INTS2: variants seen among roughly 807,000 people sequenced by gnomAD.
INTS2 encodes the protein integrator complex subunit 2, also known as KIAA1287.
A neutral mutation model predicts 139.6 loss-of-function variants in INTS2; 57 were observed. The observed-to-expected ratio is 0.41, with a 90% CI of 0.33 to 0.51. INTS2 has a LOEUF of 0.51. INTS2 is among the 20% of genes least tolerant of loss of function. The pLI is 0.28. For missense variants in INTS2, 1,196 were observed against 1,436.7 expected (o/e 0.83, Z 2.71); for synonymous variants, 473 against 493.4 (o/e 0.96, Z 0.55).
In INTS2 at chr17:61,867,068, A is replaced by T. The variant is rs1047385695; in HGVS notation, c.*489T>A. ...ATTACTTGCACTGCAAATCTTTGAG[A>T]TTTCTACTTGTGTTTTTAACTCCTA... On this transcript the variant is annotated 3_prime_UTR_variant, in exon 25 of 25. Coordinates refer to ENST00000251334, the MANE Select transcript of INTS2 (RefSeq NM_001351695.2). This position sits in a 1 kb window ranked among gnomAD's most constrained non-coding sequence, Gnocchi z 5.6. 6.6e-6 allele frequency: 1 copy of T among 152,130 alleles called. No individual in the cohort carries two copies. Among genetic ancestry groups the T allele is most frequent in the Non-Finnish European group, 1.5e-5 (1 of 68,028 alleles). The allele number at this position is 152,130 out of a possible 1,614,324, so 9.4% of individuals were successfully genotyped here.
chr17:61,898,997 T>C (rs1010745632), intron 9 of INTS2, among the ~76,000 whole-genome samples: 7 of 152,150 alleles, frequency 4.6e-5, no homozygotes, highest in African/African-American at 1.4e-4. Context: ...GCAGTAAAAA[T>C]AGATGCAACA....
At position 61,889,773 on chromosome 17, in the gene INTS2, A is replaced by G. The variant is rs1172425744; in HGVS notation, c.1984+13T>C. On this transcript the variant is annotated intron_variant, in intron 15 of 24. Coordinates refer to ENST00000251334, the MANE Select transcript of INTS2 (RefSeq NM_001351695.2). Reference sequence around the variant, plus strand: ...AAACTACCACTAGAACCACTCCTCTACGTACAACTTACCTAAAGTCTTCGT... The same window carrying G: ...AAACTACCACTAGAACCACTCCTCTGCGTACAACTTACCTAAAGTCTTCGT... 7.5e-7 allele frequency: 1 copy of G among 1,333,920 alleles called. No individual in the cohort carries two copies. Among genetic ancestry groups the G allele is most frequent in the East Asian group, 2.3e-5 (1 of 43,502 alleles). 82.6% of individuals were successfully genotyped at this position (1,333,920 alleles called of 1,614,324 possible).
At chr17:61,904,423 A>T in intron 9 of INTS2, 37 bp downstream of exon 9, 1 of 1,449,608 alleles carries the variant, frequency 6.9e-7, no homozygotes. Flanking sequence ...ATAAAAGTAA[A>T]CCTTGAGAAA....
chr17:61,915,795 G>A lies in INTS2; in HGVS notation c.649+3605C>T, dbSNP rs532966921. Among the ~76,000 whole-genome samples the A allele has an allele frequency of 1.1e-4, 15 of 141,690 alleles. No individual in the cohort carries two copies. In the East Asian group the frequency reaches 2.2e-3, roughly 21 times the overall value. 93.0% of individuals were successfully genotyped at this position (141,690 alleles called of 152,430 possible). On this transcript the variant is annotated intron_variant, in intron 5 of 24. Transcript: ENST00000251334. The stretch of plus-strand genomic sequence containing the variant: ...CAGTGAGCCGAGATTGTGCCACTGG[G>A]CGACAGAGCAAGACTCTGTCTAAAA...
At chr17:61,918,948 G>T (rs1238539180) in intron 5 of INTS2, among the ~76,000 whole-genome samples, 1 of 139,272 alleles carries the variant, frequency 7.2e-6, no homozygotes, top group Admixed American at 7.4e-5. Flanking sequence ...TTTTTGAGAC[G>T]GAGTCTCGCC....
intron 11 of INTS2, among the ~76,000 whole-genome samples, chr17:61,895,830 G>C (rs552731037): frequency 6.6e-6 from 1 of 152,054 alleles, no homozygotes; most frequent in Non-Finnish European, 1.5e-5. Context: ...AGATTAAAAT[G>C]TTCAAATGTA....
Position 61,919,429 on chromosome 17 carries a change from A to T in INTS2, c.620T>A (p.Val207Glu). 2.5e-6 allele frequency: 4 copies of T among 1,592,428 alleles called. No individual in the cohort carries two copies. Among genetic ancestry groups the T allele is most frequent in the Non-Finnish European group, 3.4e-6 (4 of 1,165,608 alleles). The change falls in exon 5 of 25, where the codon GTG becomes GAG. Residue 207 changes from valine to glutamate, a missense_variant. This residue lies in a region of INTS2 where 1,129 missense variants were observed against 1,341.9 expected (regional missense o/e 0.84). Transcript: ENST00000251334. ...RNGAWFLCLL[V>E]ANVPDSFNEV... The stretch of plus-strand genomic sequence containing the variant: ...ATTAAAACTATCAGGAACATTGGCC[A>T]CCAAGAGACACAAGAACCAGGCACC...
chr17:61,881,109 C>T lies in INTS2; in HGVS notation c.2152G>A (p.Asp718Asn). Residue 718 changes from aspartate to asparagine, a missense_variant, in exon 17 of 25, where the codon GAC becomes AAC. Physicochemically the swap from Asp to Asn is conservative, Grantham distance 23. Transcript: ENST00000251334. ...TNYPHLCIVD[D>N]WICEEEITGT... is the part of the protein sequence containing the mutation. ...GTGATTTCTTCTTCACAAATCCAGT[C>T]ATCCACAATACATAAATGTGGGTAG... The T allele has an allele frequency of 1.2e-6, 2 of 1,613,330 alleles. No homozygotes were observed. Among genetic ancestry groups the T allele is most frequent in the African/African-American group, 1.3e-5 (1 of 75,016 alleles).
Position 61,873,801 on chromosome 17 carries a change from C to T in INTS2, c.2582+1112G>A, listed in dbSNP as rs2079107459. On this transcript the variant is annotated intron_variant, in intron 19 of 24. Coordinates refer to ENST00000251334, the MANE Select transcript of INTS2 (RefSeq NM_001351695.2). The surrounding 1 kb of genome is among the most constrained non-coding windows in gnomAD (Gnocchi z 4.0). Reference sequence around the variant, plus strand: ...TTTAGTCTTCCTTACTAGTTTCTCTCTCCTCTAATCCACCTAGCACAAAGC... The same window carrying T: ...TTTAGTCTTCCTTACTAGTTTCTCTTTCCTCTAATCCACCTAGCACAAAGC... Among the ~76,000 whole-genome samples, 1 of 152,158 alleles carries T rather than the reference C, an allele frequency of 6.6e-6. No individual in the cohort carries two copies.
intron 7 of INTS2, among the ~76,000 whole-genome samples, chr17:61,908,181 A>G (rs541813187): frequency 5.1e-4 from 78 of 152,276 alleles, no homozygotes; most frequent in African/African-American, 1.7e-3. Context: ...TTGGGAGGCC[A>G]AGGCGGACGG....
intron 9 of INTS2, among the ~76,000 whole-genome samples, chr17:61,899,304 G>A (rs1227273134): frequency 6.6e-6 from 1 of 152,012 alleles, no homozygotes; most frequent in African/African-American, 2.4e-5. Context: ...AGGCTGGAGT[G>A]CAATGACACA....
In INTS2 at chr17:61,927,824, G is replaced by C. The variant is rs531560824; in HGVS notation, c.-189C>G. On this transcript the variant is annotated 5_prime_UTR_variant, in exon 1 of 25. Coordinates refer to ENST00000251334, the MANE Select transcript of INTS2 (RefSeq NM_001351695.2). The stretch of plus-strand genomic sequence containing the variant: ...CGGACACCAAGAACTCAGACGCCGG[G>C]ACCAACCGGGTTGTCGATACAAAGT... 21 of 1,612,276 alleles carry C rather than the reference G, an allele frequency of 1.3e-5. No homozygotes were observed. The South Asian group carries it at 2.1e-4, about 16-fold the overall frequency.
chr17:61,890,621 A>T (rs2079281364), intron 14 of INTS2, among the ~76,000 whole-genome samples: 1 of 151,554 alleles, frequency 6.6e-6, no homozygotes, highest in South Asian at 2.1e-4. Flanking sequence ...AAAAAAAAAA[A>T]AAAAATCCCC....
chr17:61,894,035 CAT>C, intron 12 of INTS2, 136 bp from the exon 13 acceptor site: 1 of 498,520 alleles, frequency 2.0e-6, no homozygotes, highest in Non-Finnish European at 3.4e-6. Context: ...TAAATTATTA[CAT>C]GTTTTAATTG....
rs1363142140 is a variant in INTS2, at chr17:61,866,331, TG to T, written c.*1225del. On this transcript the variant is annotated 3_prime_UTR_variant, in exon 25 of 25. Transcript: ENST00000251334. ...AAGATCATCCCACTGCACTCCAGCC[TG>T]GGCAACAGGGGAAGACTCCACCTCA... 7.1e-6 allele frequency: 1 copy of T among 141,298 alleles called. No individual in the cohort carries two copies. The highest frequency in any genetic ancestry group is 2.7e-5 in the African/African-American group (1 of 37,146). The allele number at this position is 141,298 out of a possible 1,614,324, so 8.8% of individuals were successfully genotyped here. A position where few individuals can be genotyped will look rare whatever the true frequency, so the allele number is the denominator to read the frequency against.
chr17:61,921,581 C>G (rs1394586537), intron 4 of INTS2, 144 bp downstream of exon 4: 6 of 428,588 alleles, frequency 1.4e-5, no homozygotes, highest in Non-Finnish European at 2.6e-5. Flanking sequence ...CATTGTCCAA[C>G]TATTAGTCAC....
At position 61,907,478 on chromosome 17, in the gene INTS2, C is replaced by G; in HGVS notation, c.1111G>C (p.Glu371Gln). The G allele has an allele frequency of 6.2e-7, 1 of 1,603,256 alleles. No individual in the cohort carries two copies. The highest frequency in any genetic ancestry group is 8.5e-7 in the Non-Finnish European group (1 of 1,175,154). The change falls in exon 8 of 25, where the codon GAA becomes CAA. Residue 371 changes from glutamate (E) to glutamine (Q), a missense_variant. Physicochemically the swap from Glu to Gln is conservative, Grantham distance 29. Coordinates refer to ENST00000251334, the MANE Select transcript of INTS2 (RefSeq NM_001351695.2). The stretch of plus-strand genomic sequence containing the variant: ...GCACTGGCTTTCACAACATGCTCTT[C>G]TTTCAGCCCCGAATACACAGACACA... ...PNVSVYSGLK[E>Q]EHVVKASALL... is the part of the protein sequence containing the mutation.
At position 61,919,393 on chromosome 17, in the gene INTS2, T is replaced by C. The variant is rs749340574; in HGVS notation, c.649+7A>G. 8 of 1,417,794 alleles carry C rather than the reference T, an allele frequency of 5.6e-6. No homozygotes were observed. The highest frequency in any genetic ancestry group is 7.9e-6 in the Non-Finnish European group (8 of 1,016,284). 87.8% of individuals were successfully genotyped at this position (1,417,794 alleles called of 1,614,324 possible). On this transcript the variant is annotated splice_region_variant and intron_variant, in intron 5 of 24. Coordinates refer to ENST00000251334, the MANE Select transcript of INTS2 (RefSeq NM_001351695.2). ...TTTTCAATATACCATATTAGAATCA[T>C]ATTTACCTTCATTAAAACTATCAGG... is the stretch of plus-strand genomic sequence containing the variant.
At chr17:61,917,496 A>C (rs1022047044) in intron 5 of INTS2, among the ~76,000 whole-genome samples, 4 of 152,226 alleles carry the variant, frequency 2.6e-5, no homozygotes, top group African/African-American at 9.6e-5. Flanking sequence ...TAAAGCTGGA[A>C]GCCATCCCAT....
Sources: gnomAD v4.1 joint callset for allele counts (sites outside exome capture counted in the v4.1 genomes callset) on GRCh38, gnomAD v4.1.1 for gene constraint, gnomAD v4.1.1 regional missense constraint, Gnocchi (gnomAD v3.1) non-coding constraint, MANE v1.5 for transcripts, NCBI Gene and HGNC (gene_info 2026-07-23, HGNC 2026-07-21) for gene names.